CHSY3: variants seen among roughly 807,000 people sequenced by gnomAD.
The protein encoded by CHSY3 is N-acetylgalactosaminyl-proteoglycan 3-beta-glucuronosyltransferase 3.
A neutral mutation model predicts 67.2 loss-of-function variants in CHSY3; 35 were observed. The observed-to-expected ratio is 0.52, with a 90% CI of 0.40 to 0.69. The LOEUF (loss-of-function observed/expected upper bound fraction) is 0.69, where lower values mean the gene tolerates loss of function less well. CHSY3 is among the 30% of genes least tolerant of loss of function. The pLI, the probability that CHSY3 is intolerant of heterozygous loss-of-function variation, is 0.00. For synonymous variants in CHSY3, 474 were observed against 434.7 expected, an observed-to-expected ratio of 1.09 and a Z score of -1.12; for missense variants, 1,069 against 1,138.5, an observed-to-expected ratio of 0.94 and a Z score of 0.88.
chr5:130,112,544 G>A (rs766683940), intron 2 of CHSY3, among the ~76,000 whole-genome samples: 2 of 151,962 alleles, frequency 1.3e-5, no homozygotes, highest in South Asian at 2.1e-4. Flanking sequence ...ATTAGCCAAC[G>A]AATTTTACTG....
intron 2 of CHSY3, among the ~76,000 whole-genome samples, chr5:130,100,744 A>T (rs1413993043): frequency 6.6e-6 from 1 of 152,200 alleles, no homozygotes; most frequent in Non-Finnish European, 1.5e-5. Context: ...AAATGTTACC[A>T]GTCAAAGGAA....
chr5:129,985,994 C>T (rs182449101), intron 2 of CHSY3, among the ~76,000 whole-genome samples: 50 of 152,236 alleles, frequency 3.3e-4, no homozygotes, highest in Non-Finnish European at 5.9e-4. Flanking sequence ...GGTTTGACTT[C>T]CCCTCTTCCT....
chr5:130,090,617 A>G (rs1258773114), intron 2 of CHSY3, among the ~76,000 whole-genome samples: 2 of 152,304 alleles, frequency 1.3e-5, no homozygotes, highest in Middle Eastern at 3.4e-3. Context: ...CAATCCCTGC[A>G]TTCTCCAAAT....
At chr5:130,055,968 G>T (rs971501998) in intron 2 of CHSY3, among the ~76,000 whole-genome samples, 3 of 152,004 alleles carry the variant, frequency 2.0e-5, no homozygotes, top group Non-Finnish European at 4.4e-5. Context: ...AATTGATGTT[G>T]ATTCTCTTTC....
At chr5:129,953,577 C>T (rs1480573301) in intron 2 of CHSY3, among the ~76,000 whole-genome samples, 1 of 152,170 alleles carries the variant, frequency 6.6e-6, no homozygotes, top group Non-Finnish European at 1.5e-5. Context: ...AATGGTTGAA[C>T]TAATTTACAC....
intron 2 of CHSY3, among the ~76,000 whole-genome samples, chr5:130,036,038 A>G (rs550157375): frequency 6.6e-6 from 1 of 152,096 alleles, no homozygotes; most frequent in Non-Finnish European, 1.5e-5. Flanking sequence ...GGCAACTAAG[A>G]GAAGAGCTTT....
intron 2 of CHSY3, among the ~76,000 whole-genome samples, chr5:130,009,037 C>CAT (rs57898041): frequency 0.94 from 143,390 of 152,176 alleles, 67,662 homozygotes; most frequent in East Asian, 1. Flanking sequence ...ATGTGAAAAA[C>CAT]ATTTGAGGTT....
chr5:130,174,760 G>A (rs1769994844), intron 2 of CHSY3, among the ~76,000 whole-genome samples: 1 of 151,942 alleles, frequency 6.6e-6, no homozygotes, highest in South Asian at 2.1e-4. Context: ...CACCCTATGA[G>A]GTATATACTA....
At chr5:129,914,895 CTG>C (rs1760687718) in intron 2 of CHSY3, among the ~76,000 whole-genome samples, 2 of 152,144 alleles carry the variant, frequency 1.3e-5, no homozygotes, top group Non-Finnish European at 2.9e-5. Flanking sequence ...GAAATAAGCT[CTG>C]TGATAACAAA....
intron 2 of CHSY3, among the ~76,000 whole-genome samples, chr5:129,911,728 A>G (rs1349714428): frequency 6.6e-6 from 1 of 152,214 alleles, no homozygotes; most frequent in African/African-American, 2.4e-5. Context: ...AGTATGTTGC[A>G]GTATTTTAGA....
chr5:130,128,581 C>T (rs1042390814), intron 2 of CHSY3, among the ~76,000 whole-genome samples: 1 of 151,966 alleles, frequency 6.6e-6, no homozygotes, highest in Non-Finnish European at 1.5e-5. Context: ...AGTGGAGATC[C>T]TTTATGCAGC....
chr5:130,097,213 C>A (rs1019825700), intron 2 of CHSY3, among the ~76,000 whole-genome samples: 1 of 152,238 alleles, frequency 6.6e-6, no homozygotes, highest in Non-Finnish European at 1.5e-5. Flanking sequence ...CCTAGGTAAC[C>A]CACTGTGTTT....
chr5:129,981,224 C>CA (rs138422117), intron 2 of CHSY3, among the ~76,000 whole-genome samples: 78,972 of 147,826 alleles, frequency 0.53, 21,081 homozygotes, highest in Non-Finnish European at 0.59. Flanking sequence ...CCGTCTCAAA[C>CA]AAAAAAAAAA....
chr5:129,997,388 A>G (rs1763572450), intron 2 of CHSY3, among the ~76,000 whole-genome samples: 1 of 152,206 alleles, frequency 6.6e-6, no homozygotes, highest in Non-Finnish European at 1.5e-5. Context: ...TTTAAAAATC[A>G]AAAATCACAG....
chr5:129,993,058 A>G (rs1763415957), intron 2 of CHSY3, among the ~76,000 whole-genome samples: 1 of 152,138 alleles, frequency 6.6e-6, no homozygotes. Context: ...TGCTTTACCC[A>G]TATTGTCATT....
At chr5:130,139,917 C>G (rs1768800735) in intron 2 of CHSY3, 1 of 152,316 alleles carries the variant, frequency 6.6e-6, no homozygotes, top group South Asian at 2.1e-4. Context: ...GTCAAGTACA[C>G]TGACGGAATT....
intron 2 of CHSY3, among the ~76,000 whole-genome samples, chr5:130,097,408 A>G (rs570392782): frequency 5.1e-4 from 77 of 152,300 alleles, no homozygotes; most frequent in Non-Finnish European, 9.1e-4. Flanking sequence ...ACTGGCTGCC[A>G]TGGCTTGTAT....
intron 2 of CHSY3, among the ~76,000 whole-genome samples, chr5:129,981,575 G>A (rs1486281598): frequency 1.3e-5 from 2 of 152,060 alleles, no homozygotes; most frequent in African/African-American, 2.4e-5. Context: ...CCGGAGTGCA[G>A]AGGTGTGATC....
At chr5:129,908,043 G>A in intron 1 of CHSY3, 34 bp from the exon 2 acceptor site, 4 of 1,595,768 alleles carry the variant, frequency 2.5e-6, no homozygotes, top group Non-Finnish European at 3.4e-6. Flanking sequence ...TATGAAATAA[G>A]GAGACATAGT....
Sources: allele counts gnomAD v4.1 joint callset (sites outside exome capture counted in the v4.1 genomes callset), GRCh38; gene constraint gnomAD v4.1.1; transcripts MANE v1.5; gene names NCBI Gene and HGNC (gene_info 2026-07-23, HGNC 2026-07-21).